Variants in ELMOD2 observed in about 807,000 individuals in gnomAD.
ELMOD2 encodes the protein ELMO domain-containing protein 2.
A neutral mutation model predicts 41.0 loss-of-function variants in ELMOD2; 28 were observed. The ratio of observed to expected loss-of-function variants is 0.68; its 90% CI spans 0.51 to 0.94. The LOEUF is 0.94. Among genes scored for constraint, ELMOD2 ranks in the 40% least tolerant of loss-of-function variants. The probability of loss-of-function intolerance (pLI) is 0.00; values close to 1 mark genes in which losing one functional copy is unlikely to be tolerated. For synonymous variants in ELMOD2, 106 were observed against 107.2 expected, an observed-to-expected ratio of 0.99 and a Z score of 0.07; for missense variants, 333 against 343.1, an observed-to-expected ratio of 0.97 and a Z score of 0.23.
chr4:140,535,442 C>T (rs1734888840), intron 3 of ELMOD2: 3 of 222,978 alleles, frequency 1.3e-5, no homozygotes, highest in Non-Finnish European at 2.6e-5. Flanking sequence ...ATATCTACTT[C>T]GTAAACACTA....
intron 5 of ELMOD2, 133 bp from the exon 6 acceptor site, chr4:140,540,035 G>T: frequency 9.7e-7 from 1 of 1,036,162 alleles, no homozygotes; most frequent in Non-Finnish European, 1.4e-6. Context: ...GCGTGTTTTA[G>T]GATAATTGAA....
At position 140,551,002 on chromosome 4, in the gene ELMOD2, CTTTT is replaced by C. The variant is rs1012977574; in HGVS notation, c.*630_*633del. ...AGAGAATGACAGTATTGGTGACTAG[CTTTT>C]TTGTTTTTAAATAACACACTTTAAA... On this transcript the variant is annotated 3_prime_UTR_variant, in exon 9 of 9. Coordinates refer to ENST00000323570, the MANE Select transcript of ELMOD2 (RefSeq NM_153702.4). The C allele has an allele frequency of 7.2e-5, 11 of 152,148 alleles. No individual in the cohort carries two copies. Among genetic ancestry groups the C allele is most frequent in the African/African-American group, 2.6e-4 (11 of 41,544 alleles). 9.4% of individuals were successfully genotyped at this position (152,148 alleles called of 1,614,324 possible).
At position 140,525,557 on chromosome 4, in the gene ELMOD2, GAC is replaced by G. The variant is rs1302875877; in HGVS notation, c.135_136del (p.His45GlnfsTer12). The G allele has an allele frequency of 1.9e-6, 3 of 1,609,846 alleles. No homozygotes were observed. The highest frequency in any genetic ancestry group is 8.5e-7 in the Non-Finnish European group (1 of 1,178,770). On this transcript the variant is annotated frameshift_variant, in exon 2 of 9. Transcript: ENST00000323570. LOFTEE classifies it high-confidence loss of function. ...TTGATACCTATGTAGGTGCACAAAG[GAC>G]ACACAGGATAGGTAATGTTATTCAA... Reference protein sequence around the residue: ...IFDTYVGAQRTHRIENSLTYS... With the variant: ...IFDTYVGAQRXHRIENSLTYS...
rs776410145 is a variant in ELMOD2 at position 140,537,396 on chromosome 4, A to G, written c.270-16A>G. On this transcript the variant is annotated splice_polypyrimidine_tract_variant and intron_variant, in intron 4 of 8. Coordinates refer to ENST00000323570, the MANE Select transcript of ELMOD2 (RefSeq NM_153702.4). ...TAAGAGGGTATGCTTTTTAAAAATA[A>G]TTTTATCATTTTTAGTTTTAAAATA... The G allele has an allele frequency of 6.7e-7, 1 of 1,481,730 alleles. No homozygotes were observed. Among genetic ancestry groups the G allele is most frequent in the Non-Finnish European group, 8.9e-7 (1 of 1,122,608 alleles). The allele number at this position is 1,481,730 out of a possible 1,614,324, so 91.8% of individuals were successfully genotyped here.
Position 140,537,424 on chromosome 4 carries a change from C to T in ELMOD2, c.282C>T (p.Cys94=). 6.6e-7 allele frequency: 1 copy of T among 1,525,540 alleles called. No individual in the cohort carries two copies. The highest frequency in any genetic ancestry group is 8.7e-7 in the Non-Finnish European group (1 of 1,144,822). The allele number at this position is 1,525,540 out of a possible 1,614,324, so 94.5% of individuals were successfully genotyped here. ...TTATCATTTTTAGTTTTAAAATATG[C>T]ATGAAGATGTGCTTACTGCAGATAA... ...NPEKDASFKI[C]MKMCLLQITG... The change falls in exon 5 of 9, where the codon TGC becomes TGT. Residue 94 remains cysteine, a synonymous_variant. Transcript: ENST00000323570.
rs1187680422 is a variant in ELMOD2 at position 140,527,485 on chromosome 4, C to G, written c.162C>G (p.Ser54=). The change falls in exon 3 of 9, where the codon TCC becomes TCG. Residue 54 remains serine (S), a synonymous_variant. Transcript: ENST00000323570. ...THRIENSLTY[S]KNKVLQKATH... ...TTTCAGAAAATTCCTTGACATACTC[C>G]AAGAATAAGGTAGGATAACATAAAG... The G allele has an allele frequency of 3.2e-6, 5 of 1,573,002 alleles. No individual in the cohort carries two copies. The highest frequency in any genetic ancestry group is 3.4e-6 in the Non-Finnish European group (4 of 1,164,912).
chr4:140,531,504 AAGTT>A (rs1436815001), intron 3 of ELMOD2, among the ~76,000 whole-genome samples: 1 of 152,236 alleles, frequency 6.6e-6, no homozygotes, highest in Non-Finnish European at 1.5e-5. Context: ...GAATTTCTGA[AAGTT>A]AGGGAGGAAT....
At chr4:140,540,390 G>A in intron 6 of ELMOD2, 89 bp downstream of exon 6, 1 of 1,476,408 alleles carries the variant, frequency 6.8e-7, no homozygotes, top group Non-Finnish European at 9.2e-7. Flanking sequence ...TGATCTAGTT[G>A]ATTCATACTA....
chr4:140,531,672 T>G (rs1394111697), intron 3 of ELMOD2, among the ~76,000 whole-genome samples: 2 of 152,240 alleles, frequency 1.3e-5, no homozygotes, highest in African/African-American at 4.8e-5. Flanking sequence ...TGATGCACAT[T>G]TGCATTTTTG....
intron 3 of ELMOD2, chr4:140,535,492 C>T: frequency 2.6e-6 from 1 of 378,472 alleles, no homozygotes; most frequent in Non-Finnish European, 4.7e-6. Context: ...CAGCTGAGAA[C>T]CTGTTGACTC....
At chr4:140,529,705 A>C (rs553959643) in intron 3 of ELMOD2, among the ~76,000 whole-genome samples, 57 of 152,278 alleles carry the variant, frequency 3.7e-4, no homozygotes, top group African/African-American at 1.4e-3. Context: ...TTTAAGTAGA[A>C]TTATCTTCTC....
Position 140,550,411 on chromosome 4 carries a change from G to A in ELMOD2, c.*36G>A. 6.4e-7 allele frequency: 1 copy of A among 1,554,922 alleles called. No homozygotes were observed. The highest frequency in any genetic ancestry group is 8.7e-7 in the Non-Finnish European group (1 of 1,152,170). On this transcript the variant is annotated 3_prime_UTR_variant, in exon 9 of 9. Transcript: ENST00000323570. The stretch of plus-strand genomic sequence containing the variant: ...GTATCTTCTATTTCTACCACATTTT[G>A]CACATTCAACAGAATTTATATGTTG...
At chr4:140,544,173 T>G (rs1735194424) in intron 8 of ELMOD2, among the ~76,000 whole-genome samples, 2 of 152,330 alleles carry the variant, frequency 1.3e-5, no homozygotes, top group African/African-American at 4.8e-5. Context: ...AACTCAAATC[T>G]AGTTTTTCTT....
intron 3 of ELMOD2, among the ~76,000 whole-genome samples, chr4:140,534,195 A>G (rs1012442063): frequency 6.6e-6 from 1 of 152,210 alleles, no homozygotes; most frequent in South Asian, 2.1e-4. Flanking sequence ...TATTCATGCA[A>G]TACAACTCAA....
At chr4:140,532,325 C>T (rs536564857) in intron 3 of ELMOD2, among the ~76,000 whole-genome samples, 1 of 152,082 alleles carries the variant, frequency 6.6e-6, no homozygotes, top group African/African-American at 2.4e-5. Context: ...CACCACCATG[C>T]CTGGCTAATT....
At chr4:140,535,464 C>T in intron 3 of ELMOD2, 1 of 292,000 alleles carries the variant, frequency 3.4e-6, no homozygotes, top group Non-Finnish European at 6.2e-6. Flanking sequence ...GGTGGCAGCT[C>T]ATTTGCTGAG....
At chr4:140,538,565 T>C (rs1735004089) in intron 5 of ELMOD2, among the ~76,000 whole-genome samples, 1 of 152,216 alleles carries the variant, frequency 6.6e-6, no homozygotes, top group Non-Finnish European at 1.5e-5. Context: ...GATTAACTGC[T>C]ATTTCTGTCC....
chr4:140,544,641 A>G (rs1735213376), intron 8 of ELMOD2, among the ~76,000 whole-genome samples: 1 of 152,104 alleles, frequency 6.6e-6, no homozygotes, highest in African/African-American at 2.4e-5. Context: ...ATCTTTTGCC[A>G]TATACCAGCC....
At chr4:140,546,184 T>G (rs1331337910) in intron 8 of ELMOD2, among the ~76,000 whole-genome samples, 4 of 152,122 alleles carry the variant, frequency 2.6e-5, no homozygotes, top group Non-Finnish European at 5.9e-5. Context: ...ATGTCCTTTG[T>G]AGGGACATGG....
Sources: gnomAD v4.1 joint callset for allele counts (sites outside exome capture counted in the v4.1 genomes callset) on GRCh38, gnomAD v4.1.1 for gene constraint, MANE v1.5 for transcripts, NCBI Gene and HGNC (gene_info 2026-07-23, HGNC 2026-07-21) for gene names.